RBFOX1: variants seen among roughly 807,000 people sequenced by gnomAD.
The protein encoded by RBFOX1 is RNA binding fox-1 homolog 1, also known as RNA binding protein fox-1 homolog 1.
A neutral mutation model predicts 57.7 loss-of-function variants in RBFOX1; 8 were observed. That is an observed-to-expected ratio of 0.14 (90% CI 0.08 to 0.25). RBFOX1 has a LOEUF of 0.25. Ranked by LOEUF, RBFOX1 falls within the 10% of genes least tolerant of loss-of-function variation. The pLI, the probability that RBFOX1 is intolerant of heterozygous loss-of-function variation, is 1.00. For missense variants in RBFOX1, 611 were observed against 548.5 expected (o/e 1.11, Z -1.14); for synonymous variants, 326 against 222.4 (o/e 1.47, Z -4.15).
At chr16:6,256,640 C>G (rs551054429) in intron 1 of RBFOX1, among the ~76,000 whole-genome samples, 2 of 152,254 alleles carry the variant, frequency 1.3e-5, no homozygotes, top group Admixed American at 6.5e-5. Flanking sequence ...ACCACTGACA[C>G]TTTAGCCAGA....
intron 4 of RBFOX1, among the ~76,000 whole-genome samples, chr16:7,224,061 G>T (rs1025360069): frequency 2.8e-5 from 4 of 141,026 alleles, no homozygotes; most frequent in African/African-American, 8.0e-5. Flanking sequence ...TGCATCAGAG[G>T]TTGCTTAGGC....
At chr16:7,152,450 A>G (rs1002249221) in intron 4 of RBFOX1, among the ~76,000 whole-genome samples, 1 of 152,226 alleles carries the variant, frequency 6.6e-6, no homozygotes, top group African/African-American at 2.4e-5. Flanking sequence ...AATGGTTATC[A>G]TAGTTCAAAA....
intron 4 of RBFOX1, among the ~76,000 whole-genome samples, chr16:7,454,119 G>A (rs543926015): frequency 1.3e-5 from 2 of 152,332 alleles, no homozygotes; most frequent in Non-Finnish European, 2.9e-5. Context: ...TGTAATCCCA[G>A]CTACTCAGGA....
intron 3 of RBFOX1, among the ~76,000 whole-genome samples, chr16:5,674,882 C>G (rs1226370313): frequency 1.3e-5 from 2 of 152,046 alleles, no homozygotes; most frequent in Non-Finnish European, 2.9e-5. Context: ...GTGGGTGGCT[C>G]ATGTCTGTAA....
intron 3 of RBFOX1, among the ~76,000 whole-genome samples, chr16:5,814,991 C>T (rs373470201): frequency 0.031 from 4,530 of 145,920 alleles, 223 homozygotes; most frequent in African/African-American, 0.1. Context: ...TTCTTTCTTT[C>T]TTTTTTTTTT....
In RBFOX1 at chr16:5,625,598, C is replaced by T. The variant is rs1007330658; in HGVS notation, c.318+26637C>T. 7.9e-5 allele frequency among the ~76,000 whole-genome samples: 12 copies of T among 151,244 alleles called. No homozygotes were observed. In the East Asian group the frequency reaches 1.6e-3, roughly 20 times the overall value. ...TTCGAGATGGAGTTTTGCTCTGTCA[C>T]CCCGGCTCGAGTATGGTGGTGCAAT... On this transcript the variant is annotated intron_variant, in intron 3 of 19. Coordinates refer to the RBFOX1 transcript ENST00000641259.
chr16:6,629,656 A>G (rs1306629101), intron 2 of RBFOX1, among the ~76,000 whole-genome samples: 1 of 152,152 alleles, frequency 6.6e-6, no homozygotes, highest in Non-Finnish European at 1.5e-5. Context: ...ACTGGAGATG[A>G]CAACGAGATT....
intron 4 of RBFOX1, among the ~76,000 whole-genome samples, chr16:7,474,822 C>G (rs947742310): frequency 3.9e-5 from 6 of 152,180 alleles, no homozygotes; most frequent in Middle Eastern, 3.2e-3. Flanking sequence ...AATCATTTAG[C>G]CACAGTAAGC....
intron 4 of RBFOX1, among the ~76,000 whole-genome samples, chr16:7,156,737 T>G (rs2077230240): frequency 6.6e-6 from 1 of 152,154 alleles, no homozygotes; most frequent in South Asian, 2.1e-4. Context: ...TGATGCATGT[T>G]AAATGGCTTG....
At chr16:6,098,802 C>T (rs1398561674) in intron 1 of RBFOX1, among the ~76,000 whole-genome samples, 1 of 152,164 alleles carries the variant, frequency 6.6e-6, no homozygotes, top group Admixed American at 6.5e-5. Flanking sequence ...ACACACCCAT[C>T]CCGGAAAATT....
At chr16:7,095,273 G>C (rs1042888956) in intron 4 of RBFOX1, among the ~76,000 whole-genome samples, 2 of 152,052 alleles carry the variant, frequency 1.3e-5, no homozygotes, top group African/African-American at 4.8e-5. Flanking sequence ...AAGTAGCTGA[G>C]ATTACAGGCT....
chr16:7,479,521 G>C (rs1413950715), intron 4 of RBFOX1, among the ~76,000 whole-genome samples: 4 of 152,156 alleles, frequency 2.6e-5, no homozygotes, highest in Non-Finnish European at 5.9e-5. Flanking sequence ...TGCTGTCTAT[G>C]GGAAAGGACT....
At chr16:6,601,333 A>G (rs986867471) in intron 2 of RBFOX1, among the ~76,000 whole-genome samples, 1 of 152,158 alleles carries the variant, frequency 6.6e-6, no homozygotes, top group Non-Finnish European at 1.5e-5. Flanking sequence ...ATGAACTTTC[A>G]TTAGAGTTTC....
intron 2 of RBFOX1, among the ~76,000 whole-genome samples, chr16:6,625,147 C>G (rs970312692): frequency 3.4e-4 from 37 of 108,496 alleles, no homozygotes; most frequent in African/African-American, 1.2e-3. Flanking sequence ...CCTCGGCCAC[C>G]AACCCTATCT....
chr16:5,300,652 A>C (rs2063781303), intron 1 of RBFOX1, among the ~76,000 whole-genome samples: 1 of 152,152 alleles, frequency 6.6e-6, no homozygotes, highest in Non-Finnish European at 1.5e-5. Context: ...GTTTGTGGTA[A>C]AATGTCAACT....
intron 2 of RBFOX1, among the ~76,000 whole-genome samples, chr16:6,497,711 C>T (rs2095810629): frequency 6.6e-6 from 1 of 151,990 alleles, no homozygotes; most frequent in African/African-American, 2.4e-5. Context: ...CAGATACCAC[C>T]ATGCCTGGCT....
intron 2 of RBFOX1, among the ~76,000 whole-genome samples, chr16:6,542,909 C>T (rs1318811084): frequency 6.6e-6 from 1 of 151,992 alleles, no homozygotes; most frequent in Non-Finnish European, 1.5e-5. Context: ...TTAGTGGGGA[C>T]CACACCGTGC....
chr16:6,738,097 A>T (rs961456001), intron 3 of RBFOX1, among the ~76,000 whole-genome samples: 4 of 148,684 alleles, frequency 2.7e-5, no homozygotes, highest in African/African-American at 9.8e-5. Context: ...AAAAAAAGTC[A>T]GGCATTTTCC....
chr16:7,265,787 G>A (rs997163956), intron 4 of RBFOX1, among the ~76,000 whole-genome samples: 4 of 151,920 alleles, frequency 2.6e-5, no homozygotes, highest in African/African-American at 4.8e-5. Flanking sequence ...CCCATCAGGA[G>A]GGATTACCTT....
Sources: gnomAD v4.1 joint callset for allele counts (sites outside exome capture counted in the v4.1 genomes callset) on GRCh38, gnomAD v4.1.1 for gene constraint, MANE v1.5 for transcripts, NCBI Gene and HGNC (gene_info 2026-07-23, HGNC 2026-07-21) for gene names.